CFAP54: variants seen among roughly 807,000 people sequenced by gnomAD.
The protein encoded by CFAP54 is cilia- and flagella-associated protein 54.
In CFAP54, 290 loss-of-function variants were observed where a neutral mutation model predicts 370.4. That is an observed-to-expected ratio of 0.78 (90% CI 0.71 to 0.86). The LOEUF is 0.86. CFAP54 is among the 40% of genes least tolerant of loss of function. The probability of loss-of-function intolerance (pLI) is 0.00; values close to 1 mark genes in which losing one functional copy is unlikely to be tolerated. For missense variants in CFAP54, 3,399 were observed against 3,528.7 expected (o/e 0.96, Z 0.93); for synonymous variants, 1,206 against 1,236.5 (o/e 0.98, Z 0.52).
chr12:96,580,824 A>C, intron 21 of CFAP54, 96 bp from the exon 22 acceptor site: 1 of 1,147,822 alleles, frequency 8.7e-7, no homozygotes, highest in Non-Finnish European at 1.2e-6. Context: ...TGAAAGAAAA[A>C]GGTTTTTTTT....
chr12:96,624,746 T>G (rs1203589745), intron 28 of CFAP54, among the ~76,000 whole-genome samples: 1 of 152,200 alleles, frequency 6.6e-6, no homozygotes, highest in African/African-American at 2.4e-5. Context: ...ACCTCACCTT[T>G]CCTACTGTGT....
chr12:96,658,114 T>C lies in CFAP54; in HGVS notation c.5324+9T>C. On this transcript the variant is annotated intron_variant, in intron 37 of 67. Transcript: ENST00000524981. The stretch of plus-strand genomic sequence containing the variant: ...TTCAATACAGTTTCACAGTAAGTAC[T>C]GCTGTAAGGGCAATTAAAAGTAGAA... 1 of 1,603,510 alleles carries C rather than the reference T, an allele frequency of 6.2e-7. No individual in the cohort carries two copies.
At chr12:96,622,693 C>T (rs918618668) in intron 27 of CFAP54, among the ~76,000 whole-genome samples, 1 of 152,128 alleles carries the variant, frequency 6.6e-6, no homozygotes, top group Non-Finnish European at 1.5e-5. Context: ...CTTGAAGTCC[C>T]TTCCATGGCT....
In CFAP54 at chr12:96,489,628, C is replaced by A. The variant is rs1265486591; in HGVS notation, c.19C>A (p.Pro7Thr). ...CGTCAATATGGCGGCGCAGGGCTCC[C>A]CCTCGAGCTCTCCGTCAGACGACTC... Reference protein sequence around the residue: MAAQGSPSSSPSDDSTT... With the variant: MAAQGSTSSSPSDDSTT... Residue 7 changes from proline to threonine, a missense_variant, in exon 1 of 68, where the codon CCC becomes ACC. By Grantham distance (38) the Pro-to-Thr change is conservative. Transcript: ENST00000524981. The A allele has an allele frequency of 2.6e-6, 4 of 1,526,036 alleles. No individual in the cohort carries two copies. The highest frequency in any genetic ancestry group is 3.9e-5 in the Admixed American group (2 of 50,644). The allele number at this position is 1,526,036 out of a possible 1,614,324, so 94.5% of individuals were successfully genotyped here. A position where few individuals can be genotyped will look rare whatever the true frequency, so the allele number is the denominator to read the frequency against.
intron 13 of CFAP54, among the ~76,000 whole-genome samples, chr12:96,539,063 G>GTTTTTTTTTT (rs1565889464): frequency 9.8e-6 from 1 of 102,324 alleles, no homozygotes; most frequent in African/African-American, 3.6e-5. Context: ...GGCCTTTTCA[G>GTTTTTTTTTT]GTTTTTTTTT....
chr12:96,773,394 C>T (rs1445235704), intron 60 of CFAP54, among the ~76,000 whole-genome samples: 1 of 152,230 alleles, frequency 6.6e-6, no homozygotes, highest in African/African-American at 2.4e-5. Flanking sequence ...AGTTCCACCT[C>T]CAAGTCTTGC....
intron 65 of CFAP54, among the ~76,000 whole-genome samples, chr12:96,825,067 T>C (rs2136747250): frequency 6.6e-6 from 1 of 150,772 alleles, no homozygotes; most frequent in East Asian, 2.0e-4. Context: ...AATGCCCTGG[T>C]CCCCAATCTC....
intron 38 of CFAP54, among the ~76,000 whole-genome samples, chr12:96,660,386 C>T (rs1956980522): frequency 6.6e-6 from 1 of 152,152 alleles, no homozygotes; most frequent in South Asian, 2.1e-4. Context: ...TTTTCTTCTC[C>T]ATCCACATAC....
chr12:96,599,361 G>A (rs1008839179), intron 26 of CFAP54, among the ~76,000 whole-genome samples: 5 of 152,132 alleles, frequency 3.3e-5, no homozygotes, highest in African/African-American at 9.7e-5. Flanking sequence ...TGGCTGCATA[G>A]TATTCCATGG....
chr12:96,753,752 T>G lies in CFAP54; in HGVS notation c.7694T>G (p.Val2565Gly), dbSNP rs141810140. 1.2e-6 allele frequency: 2 copies of G among 1,613,134 alleles called. No homozygotes were observed. Among genetic ancestry groups the G allele is most frequent in the African/African-American group, 2.7e-5 (2 of 74,888 alleles). ...AKIKMRIGHT[V>G]AKQVYYKNKR... The stretch of plus-strand genomic sequence containing the variant: ...ACTGTTTTTCTTTTAGGACATACAG[T>G]GGCCAAGCAAGTATATTACAAGAAT... The change falls in exon 56 of 68, where the codon GTG becomes GGG. Residue 2565 changes from valine to glycine, a missense_variant. Physicochemically the swap from Val to Gly is moderately radical, Grantham distance 109. This residue lies in a region of CFAP54 where 2,796 missense variants were observed against 2,869.7 expected (regional missense o/e 0.97). Coordinates refer to ENST00000524981, the MANE Select transcript of CFAP54 (RefSeq NM_001306084.2).
At chr12:96,650,196 C>A in intron 35 of CFAP54, 124 bp downstream of exon 35, 1 of 830,818 alleles carries the variant, frequency 1.2e-6, no homozygotes, top group Non-Finnish European at 1.8e-6. Context: ...TTTGAGATCT[C>A]ATCTTGCTGG....
chr12:96,589,791 G>A (rs1317792581), intron 23 of CFAP54, among the ~76,000 whole-genome samples: 1 of 151,938 alleles, frequency 6.6e-6, no homozygotes, highest in Admixed American at 6.6e-5. Context: ...CTGTCACCCA[G>A]GCTGGAGTGC....
intron 1 of CFAP54, 135 bp from the exon 2 acceptor site, chr12:96,500,699 A>G (rs1955016389): frequency 3.9e-6 from 2 of 517,484 alleles, no homozygotes; most frequent in Non-Finnish European, 3.4e-6. Context: ...TACATTTATT[A>G]TTAATAATTG....
intron 58 of CFAP54, among the ~76,000 whole-genome samples, chr12:96,762,119 A>G (rs1207789493): frequency 6.6e-6 from 1 of 152,128 alleles, no homozygotes; most frequent in Non-Finnish European, 1.5e-5. Flanking sequence ...ATTTCTCTCA[A>G]CAAAGTTTTG....
chr12:96,538,707 A>G (rs753413745), intron 13 of CFAP54, 189 bp downstream of exon 13: 271 of 574,614 alleles, frequency 4.7e-4, no homozygotes, highest in Admixed American at 8.6e-4. Flanking sequence ...TGTTCCCTGC[A>G]CTCCTGTTCT....
At chr12:96,857,619 C>G (rs1201664258) in intron 66 of CFAP54, among the ~76,000 whole-genome samples, 1 of 152,076 alleles carries the variant, frequency 6.6e-6, no homozygotes, top group Non-Finnish European at 1.5e-5. Context: ...AATTGTAATT[C>G]CCATGTGTCA....
intron 42 of CFAP54, among the ~76,000 whole-genome samples, chr12:96,687,614 A>G (rs1428394909): frequency 6.6e-6 from 1 of 152,192 alleles, no homozygotes; most frequent in Non-Finnish European, 1.5e-5. Context: ...TTGCTTTCAG[A>G]TTAGCATCTT....
chr12:96,632,713 T>C (rs1229937655), intron 32 of CFAP54, among the ~76,000 whole-genome samples: 2 of 151,998 alleles, frequency 1.3e-5, no homozygotes, highest in African/African-American at 4.8e-5. Context: ...GTCTTGGGAG[T>C]CTTGGGTATT....
intron 63 of CFAP54, 45 bp from the exon 64 acceptor site, chr12:96,811,691 C>G: frequency 9.9e-7 from 1 of 1,010,186 alleles, no homozygotes; most frequent in South Asian, 1.7e-5. Flanking sequence ...GAGCTAAACT[C>G]TAATTTTGAT....
Sources: gnomAD v4.1 joint callset for allele counts (sites outside exome capture counted in the v4.1 genomes callset) on GRCh38, gnomAD v4.1.1 for gene constraint, gnomAD v4.1.1 regional missense constraint, MANE v1.5 for transcripts, NCBI Gene and HGNC (gene_info 2026-07-23, HGNC 2026-07-21) for gene names.